The following CSMD3 variants were observed in gnomAD, a reference collection of about 807,000 sequenced individuals.
The protein encoded by CSMD3 is CUB and Sushi multiple domains 3.
In CSMD3, 177 loss-of-function variants were observed where a neutral mutation model predicts 435.2. That is an observed-to-expected ratio of 0.41 (90% confidence interval 0.36 to 0.46). The LOEUF (loss-of-function observed/expected upper bound fraction) is 0.46, where lower values mean the gene tolerates loss of function less well. Ranked by LOEUF, CSMD3 falls within the 20% of genes least tolerant of loss-of-function variation. The pLI is 0.34. For missense variants in CSMD3, 4,265 were observed against 4,504.6 expected, an observed-to-expected ratio of 0.95 and a Z score of 1.52; for synonymous variants, 1,656 against 1,520.5, an observed-to-expected ratio of 1.09 and a Z score of -2.07.
At chr8:112,707,377 T>C (rs1157218185) in intron 13 of CSMD3, among the ~76,000 whole-genome samples, 2 of 150,330 alleles carry the variant, frequency 1.3e-5, no homozygotes, top group Non-Finnish European at 2.9e-5. Flanking sequence ...TAGTCCTTTA[T>C]AAAATTAAAG....
chr8:113,163,934 G>A (rs578015418), intron 4 of CSMD3, among the ~76,000 whole-genome samples: 12 of 152,080 alleles, frequency 7.9e-5, no homozygotes, highest in African/African-American at 2.4e-4. Flanking sequence ...TACTAATATT[G>A]TAGATAATGT....
At chr8:112,284,228 A>C (rs921492170) in intron 58 of CSMD3, among the ~76,000 whole-genome samples, 2 of 151,840 alleles carry the variant, frequency 1.3e-5, no homozygotes, top group Admixed American at 6.6e-5. Flanking sequence ...TCAAATTTGC[A>C]TTTCTCTATT....
intron 3 of CSMD3, among the ~76,000 whole-genome samples, chr8:113,188,377 TG>T (rs1332634145): frequency 6.6e-6 from 1 of 151,994 alleles, no homozygotes; most frequent in Non-Finnish European, 1.5e-5. Context: ...AAAGAAAAAT[TG>T]GGGAGATAGG....
chr8:113,108,883 A>G (rs2131588865), intron 4 of CSMD3, among the ~76,000 whole-genome samples: 1 of 152,342 alleles, frequency 6.6e-6, no homozygotes, highest in East Asian at 1.9e-4. Context: ...CTATGGCTTT[A>G]GAATAGTCAC....
intron 22 of CSMD3, among the ~76,000 whole-genome samples, chr8:112,598,055 T>A (rs1252100448): frequency 6.7e-6 from 1 of 149,400 alleles, no homozygotes; most frequent in East Asian, 2.0e-4. Context: ...GGGTATTCAA[T>A]TAGGAAAACA....
intron 1 of CSMD3, among the ~76,000 whole-genome samples, chr8:113,360,502 A>C (rs961987879): frequency 1.6e-4 from 25 of 152,082 alleles, no homozygotes; most frequent in Non-Finnish European, 2.9e-4. Context: ...GACACATGTA[A>C]AAGTGATGAC....
At chr8:112,413,114 G>T (rs1454187632) in intron 32 of CSMD3, among the ~76,000 whole-genome samples, 2 of 152,066 alleles carry the variant, frequency 1.3e-5, no homozygotes, top group African/African-American at 4.8e-5. Context: ...AAAGTCTGGA[G>T]AAATCACTTA....
intron 27 of CSMD3, among the ~76,000 whole-genome samples, chr8:112,536,493 A>G (rs1826095077): frequency 6.6e-6 from 1 of 152,164 alleles, no homozygotes; most frequent in Non-Finnish European, 1.5e-5. Context: ...CACCAGTTAG[A>G]ATGGCAATCA....
chr8:113,012,594 G>A (rs550834961), intron 6 of CSMD3, among the ~76,000 whole-genome samples: 2 of 151,974 alleles, frequency 1.3e-5, no homozygotes, highest in African/African-American at 2.4e-5. Context: ...TAATTTTTTC[G>A]GCACTCACAC....
intron 27 of CSMD3, among the ~76,000 whole-genome samples, chr8:112,536,441 T>G (rs2131106043): frequency 6.6e-6 from 1 of 152,230 alleles, no homozygotes; most frequent in Non-Finnish European, 1.5e-5. Context: ...TCACTGGCCA[T>G]CAGAGAAATG....
chr8:113,300,178 A>AAAC (rs2093754569), intron 2 of CSMD3, among the ~76,000 whole-genome samples: 1 of 149,896 alleles, frequency 6.7e-6, no homozygotes, highest in Non-Finnish European at 1.5e-5. Context: ...AAAAAAAAAA[A>AAAC]CAACAGATGT....
intron 13 of CSMD3, among the ~76,000 whole-genome samples, chr8:112,691,629 G>T (rs1351733670): frequency 6.6e-6 from 1 of 151,914 alleles, no homozygotes; most frequent in Non-Finnish European, 1.5e-5. Context: ...ATTGTTACAA[G>T]ATTTTTTAAT....
chr8:113,308,527 C>G (rs112208509), intron 2 of CSMD3, among the ~76,000 whole-genome samples: 15,912 of 152,122 alleles, frequency 0.1, 962 homozygotes, highest in Middle Eastern at 0.17. Context: ...CTCGGCCTCC[C>G]AAAGTGCTGG....
intron 36 of CSMD3, among the ~76,000 whole-genome samples, chr8:112,389,226 T>G (rs1179141366): frequency 1.3e-5 from 2 of 152,118 alleles, no homozygotes; most frequent in Admixed American, 6.6e-5. Flanking sequence ...TTTTCAAAAT[T>G]TTAAGATTAG....
chr8:112,733,303 A>C (rs2077114945), intron 13 of CSMD3, among the ~76,000 whole-genome samples: 1 of 152,098 alleles, frequency 6.6e-6, no homozygotes. Context: ...TTACTACTTA[A>C]AAGTGTGTTT....
chr8:112,571,306 C>T (rs1290589639), intron 24 of CSMD3, among the ~76,000 whole-genome samples: 2 of 151,874 alleles, frequency 1.3e-5, no homozygotes, highest in Admixed American at 6.6e-5. Context: ...CAAGCCCAGC[C>T]AATTAATTGT....
At chr8:112,806,127 G>C (rs1563979011) in intron 12 of CSMD3, among the ~76,000 whole-genome samples, 9 of 151,936 alleles carry the variant, frequency 5.9e-5, no homozygotes. Context: ...GTGAATTTCA[G>C]TTTTGTAAAG....
At chr8:113,110,454 T>C (rs574671841) in intron 4 of CSMD3, among the ~76,000 whole-genome samples, 4 of 152,212 alleles carry the variant, frequency 2.6e-5, no homozygotes, top group Admixed American at 6.5e-5. Context: ...ATGAACAATA[T>C]GCAGCCAAGG....
chr8:112,670,990 T>G (rs183679848), intron 16 of CSMD3, among the ~76,000 whole-genome samples: 2 of 152,292 alleles, frequency 1.3e-5, no homozygotes, highest in East Asian at 3.9e-4. Context: ...CAATAGCCAG[T>G]ATATCACTAC....
Sources: gnomAD v4.1 joint callset for allele counts (sites outside exome capture counted in the v4.1 genomes callset) on GRCh38, gnomAD v4.1.1 for gene constraint, MANE v1.5 for transcripts, NCBI Gene and HGNC (gene_info 2026-07-23, HGNC 2026-07-21) for gene names.